TMPRSS9: variants seen among roughly 807,000 people sequenced by gnomAD.
TMPRSS9 encodes transmembrane protease serine 9.
TMPRSS9 carries 113 observed loss-of-function variants against 111.4 expected under a neutral mutation model. The observed-to-expected ratio is 1.01, with a 90% CI of 0.87 to 1.19. The LOEUF (loss-of-function observed/expected upper bound fraction) is 1.19. Ranked by LOEUF, TMPRSS9 falls within the 50% of genes most tolerant of loss-of-function variation. TMPRSS9 has a pLI of 0.00. For synonymous variants in TMPRSS9, 805 were observed against 659.1 expected (o/e 1.22, Z -3.39); for missense variants, 1,803 against 1,513.1 (o/e 1.19, Z -3.18).
At chr19:2,386,518 C>A (rs185551682), upstream of TMPRSS9, among the ~76,000 whole-genome samples, 6,214 of 150,522 alleles carry the variant, frequency 0.041, 144 homozygotes, top group African/African-American at 0.049. Flanking sequence ...AAAAAAAAAA[C>A]CAAAAAAACA....
At chr19:2,425,443 A>T in exon 17 of TMPRSS9, 1 of 1,591,982 alleles carries the variant, frequency 6.3e-7, no homozygotes, top group African/African-American at 1.3e-5. Flanking sequence ...GCAGATCAGC[A>T]GCCGCATGCT....
At position 2,403,441 on chromosome 19, in the gene TMPRSS9, CT is replaced by C. The variant is rs1970898241; in HGVS notation, c.670+247del. Among the ~76,000 whole-genome samples, 2 of 152,126 alleles carry C rather than the reference CT, an allele frequency of 1.3e-5. 1 individual carries two copies. Among genetic ancestry groups the C allele is most frequent in the South Asian group, 4.1e-4 (2 of 4,830 alleles). On this transcript the variant is annotated intron_variant, in intron 6 of 17. Coordinates refer to ENST00000648592, the Ensembl canonical transcript of TMPRSS9. ...GGGAGAGGAGGGAGAAGATATCAGG[CT>C]GAAAACAGAGGTTGTGGCCACAGCC...
downstream of TMPRSS9, chr19:2,426,258 C>G: frequency 2.8e-6 from 1 of 354,392 alleles, no homozygotes; most frequent in Non-Finnish European, 4.1e-6. Context: ...GCCCCTCCAC[C>G]CTAGCTCACT....
At chr19:2,401,983 A>G in exon 5 of TMPRSS9, 2 of 1,611,334 alleles carry the variant, frequency 1.2e-6, no homozygotes, top group African/African-American at 2.7e-5. Context: ...AGGGAGACAT[A>G]AGGGACCCTT....
exon 12 of TMPRSS9, chr19:2,416,594 G>T (rs762768440): frequency 6.2e-7 from 1 of 1,612,180 alleles, no homozygotes; most frequent in African/African-American, 1.3e-5. Context: ...CTGGGCCTGG[G>T]CGGGAGCCCG....
In TMPRSS9 at chr19:2,401,295, C is replaced by T. The variant is rs570648322; in HGVS notation, c.515-680C>T. ...TCTCAAAAAAAAAAAGTCACCTTGA[C>T]CTTGACATGCAGGACATTTATGGTT... On this transcript the variant is annotated intron_variant, in intron 4 of 17. Transcript: ENST00000648592. Among the ~76,000 whole-genome samples the T allele has an allele frequency of 2.0e-5, 3 of 152,060 alleles. No homozygotes were observed. The South Asian group carries it at 6.2e-4, about 32-fold the overall frequency.
At chr19:2,393,561 G>A (rs1041120342) in intron 1 of TMPRSS9, among the ~76,000 whole-genome samples, 9 of 151,994 alleles carry the variant, frequency 5.9e-5, no homozygotes, top group Non-Finnish European at 1.3e-4. Flanking sequence ...CACGAATTTC[G>A]GACACAGTAA....
chr19:2,366,136 T>G (rs1267030133), intron 1 of TMPRSS9, among the ~76,000 whole-genome samples: 1 of 152,096 alleles, frequency 6.6e-6, no homozygotes, highest in Non-Finnish European at 1.5e-5. Flanking sequence ...TTTGAGCAAC[T>G]AGAAAACATT....
Position 2,425,200 on chromosome 19 carries a change from G to GC in TMPRSS9, c.2919dup (p.Ala974ArgfsTer69), listed in dbSNP as rs1292656155. On this transcript the variant is annotated frameshift_variant, in exon 16 of 18. Coordinates refer to ENST00000648592, the Ensembl canonical transcript of TMPRSS9. LOFTEE classifies it high-confidence loss of function. ...TGGTGCGTCCCATCTGCCTGCCCGA[G>GC]CCCGCGCCGCGACCCCCGGACGGCA... 4 of 1,514,622 alleles carry GC rather than the reference G, an allele frequency of 2.6e-6. No individual in the cohort carries two copies. The highest frequency in any genetic ancestry group is 3.5e-6 in the Non-Finnish European group (4 of 1,136,294). The allele number at this position is 1,514,622 out of a possible 1,614,324, so 93.8% of individuals were successfully genotyped here. A position where few individuals can be genotyped will look rare whatever the true frequency, so the allele number is the denominator to read the frequency against.
intron 14 of TMPRSS9, among the ~76,000 whole-genome samples, chr19:2,423,203 C>T (rs1971505378): frequency 6.6e-6 from 1 of 151,936 alleles, no homozygotes; most frequent in Admixed American, 6.6e-5. Flanking sequence ...TTCTCAGTCT[C>T]AGCTGATTTT....
chr19:2,408,990 A>AAATAATAAT (rs71178274), intron 8 of TMPRSS9, among the ~76,000 whole-genome samples: 19,310 of 124,634 alleles, frequency 0.15, 1,659 homozygotes, highest in Admixed American at 0.27. Flanking sequence ...CTCCATCTCA[A>AAATAATAAT]AATAATAATA....
rs139804713 is a variant in TMPRSS9, at chr19:2,384,556, C to T, written c.-25-5205C>T. Among the ~76,000 whole-genome samples, 283 of 152,174 alleles carry T rather than the reference C, an allele frequency of 1.9e-3. 4 individuals are homozygous for T. The highest frequency in any genetic ancestry group is 6.4e-3 in the African/African-American group (264 of 41,538). Reference sequence around the variant, plus strand: ...TGTGGTCAGGCGCGGTGGCTCACGCCTGTAATCCCAGCACTTTGGGAGGCC... The same window carrying T: ...TGTGGTCAGGCGCGGTGGCTCACGCTTGTAATCCCAGCACTTTGGGAGGCC... On this transcript the variant is annotated intron_variant, in intron 1 of 17. Transcript: ENST00000649857.
intron 1 of TMPRSS9, among the ~76,000 whole-genome samples, chr19:2,373,094 A>C (rs557825275): frequency 7.9e-5 from 12 of 152,146 alleles, no homozygotes; most frequent in Non-Finnish European, 1.6e-4. Context: ...TGGCCTCCCA[A>C]GGTGCTGGGA....
chr19:2,424,086 C>G lies in TMPRSS9; in HGVS notation c.2549-3C>G. On this transcript the variant is annotated splice_polypyrimidine_tract_variant and splice_region_variant and intron_variant, in intron 14 of 17. Coordinates refer to ENST00000648592, the Ensembl canonical transcript of TMPRSS9. ...CCTGCCCACGCGCCTGGCTCCCCCG[C>G]AGACTGTGGCCTGGCGCCGGCCGCG... The G allele has an allele frequency of 7.8e-7, 1 of 1,286,832 alleles. No homozygotes were observed. The highest frequency in any genetic ancestry group is 3.1e-5 in the East Asian group (1 of 31,952). 79.7% of individuals were successfully genotyped at this position (1,286,832 alleles called of 1,614,324 possible). A position where few individuals can be genotyped will look rare whatever the true frequency, so the allele number is the denominator to read the frequency against.
chr19:2,394,326 G>T (rs987945495), intron 1 of TMPRSS9, among the ~76,000 whole-genome samples: 1 of 152,110 alleles, frequency 6.6e-6, no homozygotes, highest in African/African-American at 2.4e-5. Flanking sequence ...GGTCGAGGCT[G>T]CAGTGAGCAG....
intron 1 of TMPRSS9, among the ~76,000 whole-genome samples, chr19:2,370,377 C>T (rs997220786): frequency 8.3e-5 from 12 of 144,868 alleles, no homozygotes; most frequent in South Asian, 2.2e-4. Flanking sequence ...GCCAAGATCA[C>T]GCCACTGCAC....
upstream of TMPRSS9, among the ~76,000 whole-genome samples, chr19:2,386,635 G>A (rs1030281118): frequency 3.9e-5 from 6 of 152,164 alleles, no homozygotes; most frequent in African/African-American, 1.4e-4. Flanking sequence ...ACACGTGGTC[G>A]GCTGCTTTAG....
intron 1 of TMPRSS9, among the ~76,000 whole-genome samples, chr19:2,371,108 C>T (rs1970286460): frequency 6.6e-6 from 1 of 152,190 alleles, no homozygotes; most frequent in African/African-American, 2.4e-5. Context: ...TCTGAGCCCA[C>T]AGCTCACTCC....
At chr19:2,425,211 G>T (rs772858751) in exon 16 of TMPRSS9, 1 of 1,489,448 alleles carries the variant, frequency 6.7e-7, no homozygotes, top group South Asian at 1.2e-5. Context: ...CCCGCGCCGC[G>T]ACCCCCGGAC....
Sources: allele counts gnomAD v4.1 joint callset (sites outside exome capture counted in the v4.1 genomes callset), GRCh38; gene constraint gnomAD v4.1.1; transcripts MANE v1.5; gene names NCBI Gene and HGNC (gene_info 2026-07-23, HGNC 2026-07-21).